Variants in TMEM117 observed in about 807,000 individuals in gnomAD.
TMEM117 encodes transmembrane protein 117.
A neutral mutation model predicts 52.4 loss-of-function variants in TMEM117; 27 were observed. The ratio of observed to expected loss-of-function variants is 0.51; its 90% confidence interval spans 0.38 to 0.71. The LOEUF is 0.71. Ranked by LOEUF, TMEM117 falls within the 30% of genes least tolerant of loss-of-function variation. TMEM117 has a pLI of 0.00. For missense variants in TMEM117, 556 were observed against 630.5 expected (o/e 0.88, Z 1.26); for synonymous variants, 215 against 206.3 (o/e 1.04, Z -0.36).
chr12:43,925,076 GCCGTAATAGTTGATTTCCT>G (rs1032511156), intron 2 of TMEM117, among the ~76,000 whole-genome samples: 2 of 152,154 alleles, frequency 1.3e-5, no homozygotes, highest in South Asian at 2.1e-4. Context: ...TTGTCCTCGT[GCCGTAATAGTTGATTTCCT>G]CCAGAGACAG....
intron 7 of TMEM117, among the ~76,000 whole-genome samples, chr12:44,381,491 G>A (rs1055909605): frequency 6.6e-6 from 1 of 152,110 alleles, no homozygotes. Flanking sequence ...ATCTGTCATC[G>A]CAGCCAAAGG....
the TMEM117 span, among the ~76,000 whole-genome samples, chr12:43,809,200 A>C: frequency 6.6e-6 from 1 of 152,218 alleles, no homozygotes; most frequent in Non-Finnish European, 1.5e-5. Context: ...GAAACTAAAA[A>C]AATCATTCAT....
intron 4 of TMEM117, among the ~76,000 whole-genome samples, chr12:44,202,521 T>A (rs1163235872): frequency 6.6e-6 from 1 of 152,218 alleles, no homozygotes; most frequent in East Asian, 1.9e-4. Flanking sequence ...ATTAGCTTTT[T>A]GATATTCTGC....
At chr12:44,378,088 G>A (rs903886772) in intron 7 of TMEM117, among the ~76,000 whole-genome samples, 1 of 152,064 alleles carries the variant, frequency 6.6e-6, no homozygotes, top group South Asian at 2.1e-4. Context: ...CACACACATG[G>A]CATCATCATA....
chr12:44,023,131 A>G lies in TMEM117; in HGVS notation c.410+78789A>G, dbSNP rs562012780. On this transcript the variant is annotated intron_variant, in intron 3 of 7. Coordinates refer to ENST00000266534, the MANE Select transcript of TMEM117 (RefSeq NM_032256.3). ...GGAATGATGATTTCCAGTTTCATCC[A>G]TGTCCCTACAGAAGACATGAACTCT... Among the ~76,000 whole-genome samples, 3 of 152,336 alleles carry G rather than the reference A, an allele frequency of 2.0e-5. No individual in the cohort carries two copies. In the South Asian group the frequency reaches 6.2e-4, roughly 32 times the overall value.
chr12:44,239,855 T>G (rs537486468), intron 5 of TMEM117, among the ~76,000 whole-genome samples: 37 of 152,268 alleles, frequency 2.4e-4, no homozygotes, highest in Non-Finnish European at 2.6e-4. Context: ...TCTTTATAAG[T>G]GGCTGAGATA....
chr12:44,382,463 C>T (rs1952034002), intron 7 of TMEM117, among the ~76,000 whole-genome samples: 1 of 152,112 alleles, frequency 6.6e-6, no homozygotes, highest in Non-Finnish European at 1.5e-5. Context: ...TTTTTCTGGG[C>T]ACATTGTCTC....
At chr12:43,894,957 A>G (rs1362227514) in intron 2 of TMEM117, among the ~76,000 whole-genome samples, 1 of 152,194 alleles carries the variant, frequency 6.6e-6, no homozygotes, top group Non-Finnish European at 1.5e-5. Context: ...ACTAAGTTCA[A>G]TGGGTTTATT....
intron 3 of TMEM117, among the ~76,000 whole-genome samples, chr12:44,034,596 A>G (rs1157023676): frequency 2.0e-5 from 3 of 152,248 alleles, no homozygotes; most frequent in Admixed American, 6.5e-5. Flanking sequence ...TCTTGAATTC[A>G]GAGTGGGCTC....
At chr12:43,896,272 T>C (rs1944200515) in intron 2 of TMEM117, among the ~76,000 whole-genome samples, 2 of 152,218 alleles carry the variant, frequency 1.3e-5, no homozygotes, top group Non-Finnish European at 2.9e-5. Context: ...GTTCTCAGAC[T>C]ATCAGTGGAG....
chr12:44,108,308 A>T (rs1310432929), intron 3 of TMEM117, among the ~76,000 whole-genome samples: 1 of 135,244 alleles, frequency 7.4e-6, no homozygotes, highest in African/African-American at 2.8e-5. Flanking sequence ...GCACCCACTA[A>T]TGTGTCATCT....
chr12:44,066,624 T>C (rs1947225360), intron 3 of TMEM117, among the ~76,000 whole-genome samples: 1 of 152,200 alleles, frequency 6.6e-6, no homozygotes, highest in African/African-American at 2.4e-5. Context: ...GTCTAGTAAG[T>C]GTGCAGTAGG....
intron 3 of TMEM117, among the ~76,000 whole-genome samples, chr12:44,008,118 T>G (rs1264553590): frequency 6.6e-6 from 1 of 152,176 alleles, no homozygotes; most frequent in East Asian, 1.9e-4. Flanking sequence ...TTATCTGTGC[T>G]TCCTACAAAG....
intron 3 of TMEM117, among the ~76,000 whole-genome samples, chr12:44,052,591 G>A (rs1946991088): frequency 6.6e-6 from 1 of 152,102 alleles, no homozygotes; most frequent in Non-Finnish European, 1.5e-5. Flanking sequence ...GGTCACTTAT[G>A]TTTCTACCCT....
intron 3 of TMEM117, among the ~76,000 whole-genome samples, chr12:43,961,612 G>T (rs182946748): frequency 4.1e-4 from 62 of 152,188 alleles, no homozygotes; most frequent in Middle Eastern, 3.4e-3. Context: ...TTTCATTAGG[G>T]TTCACAAGTT....
intron 3 of TMEM117, among the ~76,000 whole-genome samples, chr12:43,993,886 G>A (rs1945985923): frequency 6.6e-6 from 1 of 152,102 alleles, no homozygotes. Flanking sequence ...GTAGAGACAA[G>A]GTTTTGCCAT....
intron 2 of TMEM117, among the ~76,000 whole-genome samples, chr12:43,862,686 A>G (rs1943510528): frequency 6.6e-6 from 1 of 152,242 alleles, no homozygotes; most frequent in South Asian, 2.1e-4. Flanking sequence ...TGGAGTGCAG[A>G]GGATACTCTA....
At chr12:44,136,465 T>C (rs1381553077) in intron 3 of TMEM117, among the ~76,000 whole-genome samples, 1 of 152,154 alleles carries the variant, frequency 6.6e-6, no homozygotes, top group African/African-American at 2.4e-5. Flanking sequence ...GAGGCTATAT[T>C]GTTTTTTAAC....
the TMEM117 span, chr12:43,802,364 A>G: frequency 1.9e-6 from 3 of 1,603,404 alleles, no homozygotes; most frequent in South Asian, 1.1e-5. Context: ...TGAATAATAT[A>G]TAGCATGGTT....
Sources: allele counts gnomAD v4.1 joint callset (sites outside exome capture counted in the v4.1 genomes callset), GRCh38; gene constraint gnomAD v4.1.1; transcripts MANE v1.5; gene names NCBI Gene and HGNC (gene_info 2026-07-23, HGNC 2026-07-21).